DMD: variants seen among roughly 807,000 people sequenced by gnomAD.
DMD encodes dystrophin, also known as mutant dystrophin.
DMD carries 63 observed loss-of-function variants against 330.1 expected under a neutral mutation model. That is an observed-to-expected ratio of 0.19 (90% CI 0.16 to 0.24). The LOEUF (loss-of-function observed/expected upper bound fraction) is 0.24, where lower values mean the gene tolerates loss of function less well. Among genes scored for constraint, DMD ranks in the 10% least tolerant of loss-of-function variants. DMD has a pLI of 1.00. For synonymous variants in DMD, 1,223 were observed against 959.8 expected (o/e 1.27, Z -5.07); for missense variants, 3,344 against 2,684.1 (o/e 1.25, Z -5.43).
intron 7 of DMD, among the ~76,000 whole-genome samples, chrX:32,775,610 T>C (rs777574978): frequency 1.8e-5 from 2 of 113,168 alleles, no homozygotes; most frequent in Admixed American, 1.8e-4. Flanking sequence ...TAGCCAAGGC[T>C]GGAGCTGAAG....
chrX:32,726,633 A>G (rs1265817626), intron 7 of DMD, among the ~76,000 whole-genome samples: 1 of 111,262 alleles, frequency 9.0e-6, no homozygotes, highest in African/African-American at 3.3e-5. Flanking sequence ...TTTAAGTCTG[A>G]AATTAATATT....
intron 4 of DMD, among the ~76,000 whole-genome samples, chrX:32,827,737 CACA>C (rs2078841958): frequency 9.3e-6 from 1 of 107,349 alleles, no homozygotes; most frequent in Non-Finnish European, 1.9e-5. Flanking sequence ...CTCGGCTCAC[CACA>C]ACCTCCGCCT....
intron 43 of DMD, among the ~76,000 whole-genome samples, chrX:32,245,869 C>T (rs1457087720): frequency 6.7e-4 from 67 of 100,267 alleles, no homozygotes; most frequent in Middle Eastern, 5.3e-3. Flanking sequence ...TGGGCTGAGA[C>T]GATGGGGTTT....
chrX:32,851,022 A>G (rs772837880), intron 2 of DMD, among the ~76,000 whole-genome samples: 1 of 111,974 alleles, frequency 8.9e-6, no homozygotes, highest in South Asian at 3.7e-4. Context: ...TGGGATCAAC[A>G]AATACTTTCC....
At chrX:32,243,566 T>C (rs1056490111) in intron 43 of DMD, among the ~76,000 whole-genome samples, 4 of 111,984 alleles carry the variant, frequency 3.6e-5, no homozygotes, top group Admixed American at 1.9e-4. Context: ...TACACCATTA[T>C]ACAGTCATTC....
intron 17 of DMD, among the ~76,000 whole-genome samples, chrX:32,523,963 T>C (rs1209217552): frequency 1.1e-4 from 12 of 105,168 alleles, no homozygotes; most frequent in Admixed American, 2.0e-4. Flanking sequence ...GACGGAGTCT[T>C]GCTCTGTCAC....
rs1302313435 is a variant in DMD at position 33,190,953 on chromosome X, TTA to T, written c.31+20327_31+20328del. Among the ~76,000 whole-genome samples, 9 of 1,588 alleles carry T rather than the reference TTA, an allele frequency of 5.7e-3. 1 individual carries two copies. The highest frequency in any genetic ancestry group is 6.2e-3 in the African/African-American group (3 of 483). The allele number at this position is 1,588 out of a possible 115,157, so 1.4% of individuals were successfully genotyped here. On this transcript the variant is annotated intron_variant, in intron 1 of 78. Coordinates refer to ENST00000357033, the MANE Select transcript of DMD (RefSeq NM_004006.3). ...TTATATATATATATAATATATAATA[TTA>T]TATATATATATAATATATAATATTA...
chrX:33,314,820 T>C (rs1320691463), intron 1 of DMD, among the ~76,000 whole-genome samples: 1 of 109,809 alleles, frequency 9.1e-6, no homozygotes, highest in African/African-American at 3.3e-5. Flanking sequence ...GAAGGATTTT[T>C]TTCTTCCTTT....
chrX:32,777,551 TAGAATAAACA>T (rs1438946458), intron 7 of DMD, among the ~76,000 whole-genome samples: 1 of 110,692 alleles, frequency 9.0e-6, no homozygotes, highest in Non-Finnish European at 1.9e-5. Context: ...ATGGGGTGAT[TAGAATAAACA>T]AGAATAAGAC....
chrX:32,927,352 C>CTTCT (rs1230306385), intron 2 of DMD, among the ~76,000 whole-genome samples: 3 of 83,715 alleles, frequency 3.6e-5, no homozygotes, highest in Non-Finnish European at 6.6e-5. Context: ...AGCAAGTTTC[C>CTTCT]TTCTTTCTTT....
chrX:33,047,095 A>T (rs2094393236), intron 1 of DMD, among the ~76,000 whole-genome samples: 1 of 111,730 alleles, frequency 9.0e-6, no homozygotes, highest in African/African-American at 3.3e-5. Flanking sequence ...TAGGAAACAA[A>T]GCTTAGCGAG....
chrX:33,141,160 C>T (rs9887054), intron 1 of DMD, among the ~76,000 whole-genome samples: 8,597 of 111,330 alleles, frequency 0.077, 343 homozygotes, highest in South Asian at 0.21. Context: ...AATAGCAGCA[C>T]TGAGATTCGA....
chrX:33,287,408 G>A (rs1383179751), intron 1 of DMD, among the ~76,000 whole-genome samples: 1 of 110,309 alleles, frequency 9.1e-6, no homozygotes, highest in Admixed American at 9.8e-5. Flanking sequence ...AAAAACTGCA[G>A]ACATTGTCAA....
At chrX:32,582,751 G>A in intron 13 of DMD, among the ~76,000 whole-genome samples, 2 of 111,721 alleles carry the variant, frequency 1.8e-5, no homozygotes, top group South Asian at 7.5e-4. Flanking sequence ...CTCTAGACAG[G>A]CTTTTATTTG....
At chrX:32,584,335 T>C (rs2053982318) in intron 13 of DMD, among the ~76,000 whole-genome samples, 1 of 112,036 alleles carries the variant, frequency 8.9e-6, no homozygotes, top group Non-Finnish European at 1.9e-5. Flanking sequence ...GGTGAGAATA[T>C]GAATTTATAC....
intron 1 of DMD, among the ~76,000 whole-genome samples, chrX:33,265,157 T>G (rs2053022254): frequency 9.1e-6 from 1 of 110,022 alleles, no homozygotes; most frequent in African/African-American, 3.3e-5. Flanking sequence ...GTCCAGGAAT[T>G]TTTTTTTCCC....
At chrX:32,528,256 C>T (rs1488930245) in intron 17 of DMD, among the ~76,000 whole-genome samples, 1 of 110,739 alleles carries the variant, frequency 9.0e-6, no homozygotes, top group Admixed American at 9.6e-5. Context: ...TTGCAGTGAG[C>T]CAAGATTGTG....
chrX:33,218,872 A>G (rs1454138961), intron 1 of DMD, among the ~76,000 whole-genome samples: 1 of 110,025 alleles, frequency 9.1e-6, no homozygotes, highest in Admixed American at 9.8e-5. Flanking sequence ...CTGTCTCCTC[A>G]CCTCCATTCT....
chrX:32,710,006 T>G (rs930210330), intron 7 of DMD, among the ~76,000 whole-genome samples: 4 of 111,019 alleles, frequency 3.6e-5, no homozygotes, highest in Non-Finnish European at 3.8e-5. Context: ...GTAAGACACA[T>G]GTTGAAAATT....
Sources: allele counts gnomAD v4.1 joint callset (sites outside exome capture counted in the v4.1 genomes callset), GRCh38; gene constraint gnomAD v4.1.1; transcripts MANE v1.5; gene names NCBI Gene and HGNC (gene_info 2026-07-23, HGNC 2026-07-21).